LUZP1: variants seen among roughly 807,000 people sequenced by gnomAD.
LUZP1 encodes leucine zipper protein 1.
LUZP1 carries 25 observed loss-of-function variants against 71.3 expected under a neutral mutation model. The ratio of observed to expected loss-of-function variants is 0.35; its 90% CI spans 0.26 to 0.49. LUZP1 has a LOEUF of 0.49. Ranked by LOEUF, LUZP1 falls within the 20% of genes least tolerant of loss-of-function variation. The pLI is 0.99. For synonymous variants in LUZP1, 481 were observed against 506.4 expected (o/e 0.95, Z 0.67); for missense variants, 1,142 against 1,300.8 (o/e 0.88, Z 1.88).
chr1:23,154,479 G>C (rs1644406667), intron 2 of LUZP1, among the ~76,000 whole-genome samples: 1 of 152,198 alleles, frequency 6.6e-6, no homozygotes, highest in African/African-American at 2.4e-5. Flanking sequence ...GATCAAGGCT[G>C]CAGTGAGTCA....
exon 4 of LUZP1, chr1:23,092,383 C>T (rs777550143): frequency 6.2e-7 from 1 of 1,614,190 alleles, no homozygotes; most frequent in South Asian, 1.1e-5. Flanking sequence ...GGTTGATTAA[C>T]CCCTTCTTTA....
At chr1:23,158,111 C>A (rs1339131420) in intron 2 of LUZP1, among the ~76,000 whole-genome samples, 2 of 152,148 alleles carry the variant, frequency 1.3e-5, no homozygotes, top group Admixed American at 6.5e-5. Context: ...CATACCAGAT[C>A]TGTGTAAAAG....
rs901299177 is a variant in LUZP1, at chr1:23,094,569, T to C, written c.-119-189A>G. On this transcript the variant is annotated intron_variant, in intron 3 of 4. Transcript: ENST00000302291. This position sits in a 1 kb window ranked among gnomAD's most constrained non-coding sequence, Gnocchi z 4.7. ...TTCTTTATGGCCGATATTGAGTTGA[T>C]ACCTCATTTCGCCCTAATAAAGAAT... is the stretch of plus-strand genomic sequence containing the variant. Among the ~76,000 whole-genome samples, 1 of 152,334 alleles carries C rather than the reference T, an allele frequency of 6.6e-6. No homozygotes were observed. Among genetic ancestry groups the C allele is most frequent in the Non-Finnish European group, 1.5e-5 (1 of 68,022 alleles).
chr1:23,125,538 G>GA (rs1644165467), intron 2 of LUZP1, among the ~76,000 whole-genome samples: 1 of 152,194 alleles, frequency 6.6e-6, no homozygotes, highest in South Asian at 2.1e-4. Flanking sequence ...AATAAACACG[G>GA]AAAAAAGTGT....
At chr1:23,146,470 A>G (rs1025563538) in intron 2 of LUZP1, among the ~76,000 whole-genome samples, 1 of 152,230 alleles carries the variant, frequency 6.6e-6, no homozygotes, top group Non-Finnish European at 1.5e-5. Context: ...CCTCATGTGT[A>G]AAATAGGGAT....
At chr1:23,138,605 T>C (rs1644273141) in intron 2 of LUZP1, among the ~76,000 whole-genome samples, 1 of 152,016 alleles carries the variant, frequency 6.6e-6, no homozygotes, top group Non-Finnish European at 1.5e-5. Flanking sequence ...GAATGTATTT[T>C]TTTTAAAGCA....
intron 2 of LUZP1, among the ~76,000 whole-genome samples, chr1:23,143,939 C>T (rs1223486666): frequency 6.6e-6 from 1 of 152,224 alleles, no homozygotes; most frequent in African/African-American, 2.4e-5. Flanking sequence ...CTAAAGCTCT[C>T]TTCCATTACA....
intron 2 of LUZP1, among the ~76,000 whole-genome samples, chr1:23,131,136 T>C (rs1180712135): frequency 1.4e-5 from 2 of 142,186 alleles, no homozygotes; most frequent in Non-Finnish European, 3.0e-5. Context: ...GGAGAATCGC[T>C]TGAACCCGGG....
intron 2 of LUZP1, among the ~76,000 whole-genome samples, chr1:23,141,725 G>A (rs1011138630): frequency 9.2e-5 from 14 of 152,076 alleles, no homozygotes; most frequent in Admixed American, 6.6e-4. Context: ...TGTCCCCCAG[G>A]CTAGAGAGCA....
intron 4 of LUZP1, chr1:23,090,953 C>G: frequency 1.4e-6 from 1 of 718,678 alleles, no homozygotes; most frequent in East Asian, 2.7e-5. Flanking sequence ...CCTTCATATA[C>G]GAGAGCAAAA....
intron 1 of LUZP1, among the ~76,000 whole-genome samples, chr1:23,172,230 C>T (rs973950646): frequency 2.6e-5 from 4 of 152,108 alleles, no homozygotes; most frequent in Non-Finnish European, 5.9e-5. Context: ...TATGATTGGA[C>T]AATAAAGGTC....
At chr1:23,168,164 C>G (rs1388989607) in intron 2 of LUZP1, among the ~76,000 whole-genome samples, 1 of 145,092 alleles carries the variant, frequency 6.9e-6, no homozygotes. Flanking sequence ...CCCGCCCGGC[C>G]CGCGGCCCGC....
intron 2 of LUZP1, among the ~76,000 whole-genome samples, chr1:23,154,077 AAGGCTAC>A (rs1644403298): frequency 2.0e-5 from 3 of 152,240 alleles, no homozygotes; most frequent in Admixed American, 2.0e-4. Context: ...GCCAGACTAA[AAGGCTAC>A]AGACTACAGA....
chr1:23,173,859 C>T (rs1367663292), intron 1 of LUZP1, among the ~76,000 whole-genome samples: 2 of 152,134 alleles, frequency 1.3e-5, no homozygotes, highest in Non-Finnish European at 2.9e-5. Flanking sequence ...ATGATTTTCA[C>T]TTTCTCCCCT....
At chr1:23,121,163 G>A (rs1460382137) in intron 2 of LUZP1, among the ~76,000 whole-genome samples, 1 of 152,226 alleles carries the variant, frequency 6.6e-6, no homozygotes, top group Non-Finnish European at 1.5e-5. Flanking sequence ...ATGGGGAGCT[G>A]TAAACCCTAC....
intron 2 of LUZP1, among the ~76,000 whole-genome samples, chr1:23,127,517 TTTTTG>T (rs960800714): frequency 2.1e-4 from 32 of 152,200 alleles, no homozygotes; most frequent in African/African-American, 6.5e-4. Flanking sequence ...TTAGTTTTGT[TTTTTG>T]TTTTGTTTTG....
chr1:23,153,271 A>G (rs752381241), intron 2 of LUZP1, among the ~76,000 whole-genome samples: 2 of 152,208 alleles, frequency 1.3e-5, no homozygotes, highest in Non-Finnish European at 2.9e-5. Flanking sequence ...TAATACGTCT[A>G]ATCTCTATCT....
At chr1:23,167,848 T>C (rs1441722516) in intron 2 of LUZP1, among the ~76,000 whole-genome samples, 1 of 151,960 alleles carries the variant, frequency 6.6e-6, no homozygotes, top group Non-Finnish European at 1.5e-5. Flanking sequence ...ACTTCATTCC[T>C]GCGCTCCGGG....
intron 4 of LUZP1, 149 bp downstream of exon 3, chr1:23,091,041 C>T (rs1451863125): frequency 1.2e-6 from 1 of 860,110 alleles, no homozygotes; most frequent in African/African-American, 1.7e-5. Context: ...GTCAAACCCC[C>T]CTGATTTTTC....
Sources: allele counts gnomAD v4.1 joint callset (sites outside exome capture counted in the v4.1 genomes callset), GRCh38; gene constraint gnomAD v4.1.1; non-coding constraint Gnocchi (gnomAD v3.1); transcripts MANE v1.5; gene names NCBI Gene and HGNC (gene_info 2026-07-23, HGNC 2026-07-21).